COL19A1: variants seen among roughly 807,000 people sequenced by gnomAD.
The protein encoded by COL19A1 is collagen type XIX alpha 1 chain.
COL19A1 carries 159 observed loss-of-function variants against 190.2 expected under a neutral mutation model. The observed-to-expected ratio is 0.84, with a 90% CI of 0.73 to 0.95. The LOEUF (loss-of-function observed/expected upper bound fraction) is 0.95, where lower values mean the gene tolerates loss of function less well. Among genes scored for constraint, COL19A1 ranks in the 40% least tolerant of loss-of-function variants. COL19A1 has a pLI of 0.00. For synonymous variants in COL19A1, 509 were observed against 458.9 expected, an observed-to-expected ratio of 1.11 and a Z score of -1.39; for missense variants, 1,418 against 1,431.9, an observed-to-expected ratio of 0.99 and a Z score of 0.16.
chr6:70,139,337 A>G (rs35758960), intron 19 of COL19A1, among the ~76,000 whole-genome samples: 1 of 151,870 alleles, frequency 6.6e-6, no homozygotes, highest in African/African-American at 2.4e-5. Context: ...TCCTGCAGGG[A>G]TTTCCTCTGG....
intron 11 of COL19A1, among the ~76,000 whole-genome samples, chr6:70,008,631 A>G (rs1378482576): frequency 2.0e-5 from 3 of 151,896 alleles, no homozygotes; most frequent in African/African-American, 4.8e-5. Flanking sequence ...GACCAATCCT[A>G]CACATAATTT....
At chr6:70,117,212 G>T (rs930661678) in intron 16 of COL19A1, among the ~76,000 whole-genome samples, 1 of 152,070 alleles carries the variant, frequency 6.6e-6, no homozygotes, top group African/African-American at 2.4e-5. Flanking sequence ...AGAACAGTCA[G>T]GGAAAAAAAG....
intron 14 of COL19A1, among the ~76,000 whole-genome samples, chr6:70,059,003 T>A (rs1160992283): frequency 6.6e-6 from 1 of 152,114 alleles, no homozygotes; most frequent in Non-Finnish European, 1.5e-5. Flanking sequence ...ACTTTATTCC[T>A]GTTATTCCCA....
At chr6:69,963,591 C>T (rs1011813352) in intron 11 of COL19A1, among the ~76,000 whole-genome samples, 23 of 152,234 alleles carry the variant, frequency 1.5e-4, no homozygotes, top group African/African-American at 3.1e-4. Flanking sequence ...CCTACTAGCC[C>T]GCACCAGCCA....
At chr6:69,985,329 G>A (rs988920472) in intron 11 of COL19A1, among the ~76,000 whole-genome samples, 2 of 152,134 alleles carry the variant, frequency 1.3e-5, no homozygotes, top group Non-Finnish European at 2.9e-5. Flanking sequence ...CATGAAAGCA[G>A]CATCATCATT....
intron 16 of COL19A1, among the ~76,000 whole-genome samples, chr6:70,116,152 T>C (rs554612472): frequency 6.6e-6 from 1 of 152,186 alleles, no homozygotes; most frequent in Non-Finnish European, 1.5e-5. Context: ...CTTTTCTACT[T>C]AACTGGAGCT....
chr6:70,079,865 A>G (rs1194346125), intron 15 of COL19A1, among the ~76,000 whole-genome samples: 1 of 152,136 alleles, frequency 6.6e-6, no homozygotes, highest in African/African-American at 2.4e-5. Flanking sequence ...TTTTTCTCAT[A>G]AGTGTATATA....
At chr6:70,001,756 GGAGTTTTTGCGCT>G (rs1777277181) in intron 11 of COL19A1, among the ~76,000 whole-genome samples, 1 of 152,194 alleles carries the variant, frequency 6.6e-6, no homozygotes, top group African/African-American at 2.4e-5. Context: ...ATTGGCTTAA[GGAGTTTTTGCGCT>G]GAGATGATGG....
intron 11 of COL19A1, among the ~76,000 whole-genome samples, chr6:69,994,126 C>A (rs1776773154): frequency 6.6e-6 from 1 of 151,842 alleles, no homozygotes; most frequent in Non-Finnish European, 1.5e-5. Context: ...AAGTAAATAA[C>A]ATATATGGAT....
At chr6:70,082,465 T>TGCAGTGGTGC (rs1782311983) in intron 15 of COL19A1, among the ~76,000 whole-genome samples, 1 of 152,120 alleles carries the variant, frequency 6.6e-6, no homozygotes, top group Non-Finnish European at 1.5e-5. Context: ...CAGGCTGGAG[T>TGCAGTGGTGC]GCAGTGGTGC....
intron 36 of COL19A1, among the ~76,000 whole-genome samples, chr6:70,165,154 G>C (rs146035744): frequency 3.0e-4 from 45 of 152,328 alleles, no homozygotes; most frequent in African/African-American, 1.0e-3. Flanking sequence ...GAAAAGCAGA[G>C]TTATAGGAAG....
intron 11 of COL19A1, among the ~76,000 whole-genome samples, chr6:69,998,819 A>G (rs1391823823): frequency 6.6e-6 from 1 of 152,190 alleles, no homozygotes; most frequent in Non-Finnish European, 1.5e-5. Flanking sequence ...TCACTATTCT[A>G]CAATATTTTG....
intron 14 of COL19A1, chr6:70,059,783 G>A: frequency 1.9e-6 from 1 of 527,400 alleles, no homozygotes; most frequent in Non-Finnish European, 3.9e-6. Flanking sequence ...AATCTCAAAT[G>A]TCTCTTTCAG....
At chr6:70,092,677 G>A (rs1301039345) in intron 15 of COL19A1, among the ~76,000 whole-genome samples, 1 of 152,104 alleles carries the variant, frequency 6.6e-6, no homozygotes. Context: ...TTGTCAGACA[G>A]TTATTGAATG....
chr6:69,940,657 C>T (rs968933035), intron 9 of COL19A1, among the ~76,000 whole-genome samples: 4 of 152,004 alleles, frequency 2.6e-5, no homozygotes, highest in Non-Finnish European at 5.9e-5. Flanking sequence ...TTAGTGGCAA[C>T]GTAAAAACAG....
chr6:70,195,850 C>T (rs77053016), intron 48 of COL19A1, among the ~76,000 whole-genome samples: 3 of 152,248 alleles, frequency 2.0e-5, no homozygotes, highest in East Asian at 1.9e-4. Flanking sequence ...ATCACTCAAC[C>T]GTCTGGTTCT....
chr6:69,931,188 C>G (rs1772738225), intron 6 of COL19A1, among the ~76,000 whole-genome samples: 1 of 152,078 alleles, frequency 6.6e-6, no homozygotes, highest in Admixed American at 6.6e-5. Context: ...AGTTTTATTT[C>G]ACCTATCCCA....
At position 69,936,681 on chromosome 6, in the gene COL19A1, T is replaced by C. The variant is rs554083999; in HGVS notation, c.748-104T>C. 1.1e-5 allele frequency: 16 copies of C among 1,453,078 alleles called. No individual in the cohort carries two copies. The African/African-American group carries it at 1.7e-4, about 15-fold the overall frequency. The allele number at this position is 1,453,078 out of a possible 1,614,324, so 90.0% of individuals were successfully genotyped here. A position where few individuals can be genotyped will look rare whatever the true frequency, so the allele number is the denominator to read the frequency against. On this transcript the variant is annotated intron_variant, in intron 7 of 50. Transcript: ENST00000620364. ...ACTTTTGGTTAGTAAGAAGCAGTTCTTGCAGGCAACCTCAGCAATCCCTAG... is the reference window on the plus strand; with the variant it reads ...ACTTTTGGTTAGTAAGAAGCAGTTCCTGCAGGCAACCTCAGCAATCCCTAG...
chr6:70,209,562 C>T lies in COL19A1; in HGVS notation c.*2288C>T, dbSNP rs1768073950. On this transcript the variant is annotated 3_prime_UTR_variant, in exon 51 of 51. Transcript: ENST00000620364. ...TATATTTAGAAATCTTTCTAAATAC[C>T]ATTAAGGCTTGACTGGTTAATTCCT... The T allele has an allele frequency of 6.6e-6, 1 of 151,952 alleles. No individual in the cohort carries two copies. Among genetic ancestry groups the T allele is most frequent in the Non-Finnish European group, 1.5e-5 (1 of 67,990 alleles). The allele number at this position is 151,952 out of a possible 1,614,324, so 9.4% of individuals were successfully genotyped here.
Sources: allele counts gnomAD v4.1 joint callset (sites outside exome capture counted in the v4.1 genomes callset), GRCh38; gene constraint gnomAD v4.1.1; transcripts MANE v1.5; gene names NCBI Gene and HGNC (gene_info 2026-07-23, HGNC 2026-07-21).